Variants in SHH observed in about 807,000 individuals in gnomAD.
SHH encodes the protein sonic hedgehog protein.
A neutral mutation model predicts 16.6 loss-of-function variants in SHH; 3 were observed. The ratio of observed to expected loss-of-function variants is 0.18; its 90% CI spans 0.08 to 0.47. The LOEUF is 0.47. SHH is among the 20% of genes least tolerant of loss of function. SHH has a pLI of 0.98. For missense variants in SHH, 499 were observed against 665.0 expected, an observed-to-expected ratio of 0.75 and a Z score of 2.75; for synonymous variants, 351 against 316.2, an observed-to-expected ratio of 1.11 and a Z score of -1.17.
At chr7:155,806,711 C>G (rs541593038) in intron 1 of SHH, 154 bp from the exon 2 acceptor site, 2 of 911,222 alleles carry the variant, frequency 2.2e-6, no homozygotes, top group South Asian at 1.4e-5. Flanking sequence ...CCAGACACAC[C>G]GAAGAGCCGG....
Position 155,802,879 on chromosome 7 carries a change from C to A in SHH, c.*21G>T, listed in dbSNP as rs760559606. ...TGCCCCGCCCCGCCCCCTCCCGCGC[C>A]CCTCCCCCGGCCCCCCGGCTTCAGC... On this transcript the variant is annotated 3_prime_UTR_variant, in exon 3 of 3. Coordinates refer to ENST00000297261, the MANE Select transcript of SHH (RefSeq NM_000193.4). The A allele has an allele frequency of 1.4e-5, 18 of 1,258,878 alleles. No homozygotes were observed. The highest frequency in any genetic ancestry group is 1.9e-5 in the Non-Finnish European group (18 of 972,274). The allele number at this position is 1,258,878 out of a possible 1,614,324, so 78.0% of individuals were successfully genotyped here.
At position 155,803,236 on chromosome 7, in the gene SHH, C is replaced by T; in HGVS notation, c.1053G>A (p.Gln351=). ...GCACCCGGTTGATGAGAATGGTGCC[C>T]TGGGCCGTGAGCGGCGCGTAGGCGC... ...AAGAYAPLTA[Q]GTILINRVLA... Residue 351 remains glutamine, a synonymous_variant, in exon 3 of 3, where the codon CAG becomes CAA. Coordinates refer to ENST00000297261, the MANE Select transcript of SHH (RefSeq NM_000193.4). 6.6e-6 allele frequency: 10 copies of T among 1,520,330 alleles called. No individual in the cohort carries two copies. The highest frequency in any genetic ancestry group is 7.9e-6 in the Non-Finnish European group (9 of 1,141,350). 94.2% of individuals were successfully genotyped at this position (1,520,330 alleles called of 1,614,324 possible).
chr7:155,805,043 C>A (rs992254374), intron 2 of SHH, among the ~76,000 whole-genome samples: 10 of 152,284 alleles, frequency 6.6e-5, no homozygotes, highest in African/African-American at 2.4e-4. Context: ...CCCGCGCCCC[C>A]GCCCGTGTGC....
At position 155,801,053 on chromosome 7, in the gene SHH, G is replaced by C. The variant is rs541033669; in HGVS notation, c.*1847C>G. On this transcript the variant is annotated 3_prime_UTR_variant, in exon 3 of 3. Transcript: ENST00000297261. ...GGAGTAGTCCTCCACCTGGGACCCT[G>C]ACAACCGCCAAGGGCAGAGACCCTC... The C allele has an allele frequency of 3.1e-4, 52 of 168,060 alleles. No individual in the cohort carries two copies. The highest frequency in any genetic ancestry group is 1.6e-3 in the Admixed American group (27 of 17,064). 10.4% of individuals were successfully genotyped at this position (168,060 alleles called of 1,614,324 possible).
In SHH at chr7:155,812,230, G is replaced by T. The variant is rs866507211; in HGVS notation, c.-108C>A. ...CTCTCTCTTGCGCTTTCCCTTCCTCGCTCCGGCTCGCCCGCTCGCTCTCTC... is the reference window on the plus strand; with the variant it reads ...CTCTCTCTTGCGCTTTCCCTTCCTCTCTCCGGCTCGCCCGCTCGCTCTCTC... On this transcript the variant is annotated 5_prime_UTR_variant, in exon 1 of 3. Coordinates refer to ENST00000297261, the MANE Select transcript of SHH (RefSeq NM_000193.4). 1.9e-6 allele frequency: 2 copies of T among 1,061,212 alleles called. No individual in the cohort carries two copies. Among genetic ancestry groups the T allele is most frequent in the Non-Finnish European group, 2.9e-6 (2 of 691,198 alleles). 65.7% of individuals were successfully genotyped at this position (1,061,212 alleles called of 1,614,324 possible).
Position 155,803,409 on chromosome 7 carries a change from G to C in SHH, c.880C>G (p.Pro294Ala). The change falls in exon 3 of 3, where the codon CCT (proline) becomes GCT (alanine). Residue 294 changes from proline to alanine, a missense_variant. Pro to Ala is a conservative substitution (Grantham distance 27). Around this residue, in one of 4 missense-constraint regions of SHH, gnomAD observed 299 missense variants for 301.1 expected, o/e 0.99. Coordinates refer to ENST00000297261, the MANE Select transcript of SHH (RefSeq NM_000193.4). ...CGAGGCCCCAGTGCGCCCCCGGAAG[G>C]CGGCCCCGAGCCCGAGGACGCCTCG... is the stretch of plus-strand genomic sequence containing the variant. ...EPEASSGSGPPSGGALGPRAL... is the reference protein window; with the variant it reads ...EPEASSGSGPASGGALGPRAL... 6.6e-7 allele frequency: 1 copy of C among 1,519,602 alleles called. No homozygotes were observed. The highest frequency in any genetic ancestry group is 8.8e-7 in the Non-Finnish European group (1 of 1,140,660). 94.1% of individuals were successfully genotyped at this position (1,519,602 alleles called of 1,614,324 possible). A position where few individuals can be genotyped will look rare whatever the true frequency, so the allele number is the denominator to read the frequency against.
intron 2 of SHH, 99 bp downstream of exon 2, chr7:155,806,197 G>C (rs1401778678): frequency 1.2e-5 from 17 of 1,469,918 alleles, no homozygotes; most frequent in Non-Finnish European, 1.6e-5. Context: ...CCTGCTCCTG[G>C]CCCTCAGCCT....
Position 155,803,454 on chromosome 7 carries a change from C to G in SHH, c.835G>C (p.Asp279His). The part of the protein sequence containing the change: ...AHLLFVAPHN[D>H]SATGEPEASS... ...GCCTCGGGCTCCCCGGTGGCCGAGT[C>G]GTTGTGCGGCGCCACAAAGAGCAGG... The change falls in exon 3 of 3, where the codon GAC becomes CAC. Residue 279 changes from aspartate to histidine, a missense_variant. Physicochemically the swap from Asp to His is moderately conservative, Grantham distance 81. This residue lies in a region of SHH where 299 missense variants were observed against 301.1 expected (regional missense o/e 0.99). Coordinates refer to ENST00000297261, the MANE Select transcript of SHH (RefSeq NM_000193.4). The G allele has an allele frequency of 6.5e-7, 1 of 1,546,788 alleles. No individual in the cohort carries two copies. Among genetic ancestry groups the G allele is most frequent in the Non-Finnish European group, 8.7e-7 (1 of 1,150,902 alleles).
At position 155,800,610 on chromosome 7, in the gene SHH, C is replaced by T. The variant is rs985314820; in HGVS notation, c.*2290G>A. On this transcript the variant is annotated 3_prime_UTR_variant, in exon 3 of 3. Coordinates refer to ENST00000297261, the MANE Select transcript of SHH (RefSeq NM_000193.4). ...AAATCAGACTGAACTGTCAAAAGAACAGAAACCATCGCACTTCCTCCGAGA... is the reference window on the plus strand; with the variant it reads ...AAATCAGACTGAACTGTCAAAAGAATAGAAACCATCGCACTTCCTCCGAGA... The T allele has an allele frequency of 2.1e-6, 1 of 470,892 alleles. No individual in the cohort carries two copies. The highest frequency in any genetic ancestry group is 4.4e-6 in the Non-Finnish European group (1 of 227,038). The allele number at this position is 470,892 out of a possible 1,614,324, so 29.2% of individuals were successfully genotyped here.
chr7:155,801,774 CCAAA>C lies in SHH; in HGVS notation c.*1122_*1125del, dbSNP rs1212656776. The C allele has an allele frequency of 6.6e-6, 1 of 152,018 alleles. No homozygotes were observed. Among genetic ancestry groups the C allele is most frequent in the African/African-American group, 2.4e-5 (1 of 41,354 alleles). The allele number at this position is 152,018 out of a possible 1,614,324, so 9.4% of individuals were successfully genotyped here. A position where few individuals can be genotyped will look rare whatever the true frequency, so the allele number is the denominator to read the frequency against. On this transcript the variant is annotated 3_prime_UTR_variant, in exon 3 of 3. Coordinates refer to ENST00000297261, the MANE Select transcript of SHH (RefSeq NM_000193.4). ...GGAGCTCCTGTCAGCGCTAGGTTTC[CCAAA>C]CAAAGAAGCCAAAAACTAAAAGAAA...
rs9333633 is a variant in SHH at position 155,803,719 on chromosome 7, C to G, written c.570G>C (p.Ser190=). The change falls in exon 3 of 3, where the codon TCG becomes TCC. Residue 190 remains serine (S), a synonymous_variant. Coordinates refer to ENST00000297261, the MANE Select transcript of SHH (RefSeq NM_000193.4). The part of the protein sequence containing the change: ...HIHCSVKAEN[S]VAAKSGGCFP... Reference sequence around the variant, plus strand: ...AGCAGCCTCCCGATTTGGCCGCCACCGAGTTCTCTGCGGGTGAGGAGAAGG... The same window carrying G: ...AGCAGCCTCCCGATTTGGCCGCCACGGAGTTCTCTGCGGGTGAGGAGAAGG... The G allele has an allele frequency of 6.3e-7, 1 of 1,597,006 alleles. No individual in the cohort carries two copies. Among genetic ancestry groups the G allele is most frequent in the South Asian group, 1.1e-5 (1 of 90,922 alleles).
rs1428916820 is a variant in SHH at position 155,812,007 on chromosome 7, A to G, written c.116T>C (p.Leu39Pro). Residue 39 changes from leucine to proline, a missense_variant, in exon 1 of 3, where the codon CTG (leucine) becomes CCG (proline). Around this residue, in one of 4 missense-constraint regions of SHH, gnomAD observed 75 missense variants for 115.0 expected, o/e 0.65. Transcript: ENST00000297261. ...GFGKRRHPKK[L>P]TPLAYKQFIP... is the part of the protein sequence containing the mutation. Reference sequence around the variant, plus strand: ...AAACTGCTTGTAGGCTAAAGGGGTCAGCTTTTTGGGGTGCCTCCTCTTCCC... The same window carrying G: ...AAACTGCTTGTAGGCTAAAGGGGTCGGCTTTTTGGGGTGCCTCCTCTTCCC... 1.1e-5 allele frequency: 17 copies of G among 1,614,156 alleles called. No individual in the cohort carries two copies. Among genetic ancestry groups the G allele is most frequent in the Non-Finnish European group, 1.4e-5 (17 of 1,180,032 alleles).
chr7:155,808,721 C>T (rs1031961952), intron 1 of SHH, among the ~76,000 whole-genome samples: 4 of 152,200 alleles, frequency 2.6e-5, no homozygotes, highest in African/African-American at 9.6e-5. Context: ...CGAATCAAGC[C>T]CGACTCTGTG....
At chr7:155,808,031 C>T (rs1379242803) in intron 1 of SHH, among the ~76,000 whole-genome samples, 1 of 151,342 alleles carries the variant, frequency 6.6e-6, no homozygotes, top group Non-Finnish European at 1.5e-5. Context: ...AGGAAAAGTC[C>T]TGTGTATCTG....
chr7:155,799,984 G>A lies in SHH; in HGVS notation c.*2916C>T. On this transcript the variant is annotated 3_prime_UTR_variant, in exon 3 of 3. Coordinates refer to ENST00000297261, the MANE Select transcript of SHH (RefSeq NM_000193.4). Reference sequence around the variant, plus strand: ...TGCCACATAACAGACACTGAAGAGAGTCTCTGTAATTTCTTTAATTATTCA... The same window carrying A: ...TGCCACATAACAGACACTGAAGAGAATCTCTGTAATTTCTTTAATTATTCA... The A allele has an allele frequency of 2.1e-6, 1 of 466,648 alleles. No individual in the cohort carries two copies. Among genetic ancestry groups the A allele is most frequent in the South Asian group, 1.6e-5 (1 of 64,404 alleles). 28.9% of individuals were successfully genotyped at this position (466,648 alleles called of 1,614,324 possible).
chr7:155,809,765 G>A lies in SHH; in HGVS notation c.300+2058C>T, dbSNP rs1397163076. On this transcript the variant is annotated intron_variant, in intron 1 of 2. Transcript: ENST00000297261. The surrounding 1 kb of genome is among the most constrained non-coding windows in gnomAD (Gnocchi z 6.1). ...TCAGAAGTTCAAATGCTGCCTGTGC[G>A]CGCGGCGGCGAGAGTGGCCGGGCGC... Among the ~76,000 whole-genome samples the A allele has an allele frequency of 6.6e-6, 1 of 152,024 alleles. No homozygotes were observed. Among genetic ancestry groups the A allele is most frequent in the Non-Finnish European group, 1.5e-5 (1 of 67,940 alleles).
At position 155,809,383 on chromosome 7, in the gene SHH, C is replaced by T. The variant is rs1803451364; in HGVS notation, c.300+2440G>A. 2.0e-5 allele frequency among the ~76,000 whole-genome samples: 3 copies of T among 152,158 alleles called. No individual in the cohort carries two copies. Among genetic ancestry groups the T allele is most frequent in the South Asian group, 4.2e-4 (2 of 4,812 alleles). On this transcript the variant is annotated intron_variant, in intron 1 of 2. Coordinates refer to ENST00000297261, the MANE Select transcript of SHH (RefSeq NM_000193.4). The surrounding 1 kb of genome is among the most constrained non-coding windows in gnomAD (Gnocchi z 6.1). ...AATGAGGGCGGCCGAGCAGGCTCCC[C>T]AAACCTCCCGCCGGCCTGGGGCTCC... is the stretch of plus-strand genomic sequence containing the variant.
intron 2 of SHH, among the ~76,000 whole-genome samples, chr7:155,805,343 G>A (rs1235498511): frequency 6.6e-6 from 1 of 152,162 alleles, no homozygotes; most frequent in Non-Finnish European, 1.5e-5. Flanking sequence ...TTTCTGTGGG[G>A]ACGAGAAGCC....
At chr7:155,806,184 G>A in intron 2 of SHH, 112 bp downstream of exon 2, 1 of 1,351,168 alleles carries the variant, frequency 7.4e-7, no homozygotes, top group Non-Finnish European at 1.1e-6. Flanking sequence ...ATCGCCCAGC[G>A]ACCCTGCTCC....
Sources: gnomAD v4.1 joint callset for allele counts (sites outside exome capture counted in the v4.1 genomes callset) on GRCh38, gnomAD v4.1.1 for gene constraint, gnomAD v4.1.1 regional missense constraint, Gnocchi (gnomAD v3.1) non-coding constraint, MANE v1.5 for transcripts, NCBI Gene and HGNC (gene_info 2026-07-23, HGNC 2026-07-21) for gene names.